PCSK5: variants seen among roughly 807,000 people sequenced by gnomAD.
The protein encoded by PCSK5 is prohormone convertase 5.
Under a neutral mutation model 233.2 loss-of-function variants are expected in PCSK5, and 129 were observed. The observed-to-expected ratio is 0.55, with a 90% CI of 0.48 to 0.64. The LOEUF is 0.64. Ranked by LOEUF, PCSK5 falls within the 30% of genes least tolerant of loss-of-function variation. The probability of loss-of-function intolerance (pLI) is 0.00; values close to 1 mark genes in which losing one functional copy is unlikely to be tolerated. For missense variants in PCSK5, 2,076 were observed against 2,430.1 expected (o/e 0.85, Z 3.06); for synonymous variants, 825 against 879.2 (o/e 0.94, Z 1.09).
In PCSK5 at chr9:76,067,845, A is replaced by G. The variant is rs1830339555; in HGVS notation, c.633-110A>G. The G allele has an allele frequency of 8.5e-6, 7 of 821,318 alleles. No individual in the cohort carries two copies. The South Asian group carries it at 9.7e-5, about 11-fold the overall frequency. The allele number at this position is 821,318 out of a possible 1,614,324, so 50.9% of individuals were successfully genotyped here. ...GTGCTACTTGGGAAGGAAGTTCCAG[A>G]AACACCACAGCTGGGTACATTCTTC... On this transcript the variant is annotated intron_variant, in intron 5 of 37. Coordinates refer to ENST00000674117, the MANE Select transcript of PCSK5 (RefSeq NM_001372043.1).
At chr9:76,268,616 G>A (rs1039650834) in intron 24 of PCSK5, among the ~76,000 whole-genome samples, 7 of 152,188 alleles carry the variant, frequency 4.6e-5, no homozygotes, top group Admixed American at 2.0e-4. Context: ...GGCTGAGGTG[G>A]ACAGATCGCT....
chr9:76,269,685 A>G (rs140842872), intron 24 of PCSK5, among the ~76,000 whole-genome samples: 2 of 152,350 alleles, frequency 1.3e-5, no homozygotes, highest in East Asian at 3.9e-4. Flanking sequence ...AGTAACCAAA[A>G]CATACCTAGT....
intron 2 of PCSK5, among the ~76,000 whole-genome samples, chr9:75,969,407 C>A (rs1825726334): frequency 6.6e-6 from 1 of 152,168 alleles, no homozygotes; most frequent in Admixed American, 6.5e-5. Flanking sequence ...GGCCTTACTG[C>A]TTAACTTCAA....
intron 1 of PCSK5, among the ~76,000 whole-genome samples, chr9:75,917,776 TCTA>T (rs2131248394): frequency 6.6e-6 from 1 of 152,370 alleles, no homozygotes; most frequent in East Asian, 1.9e-4. Context: ...ATAACATTTT[TCTA>T]CTAAGATATC....
At chr9:76,066,241 A>G (rs570305583) in intron 5 of PCSK5, among the ~76,000 whole-genome samples, 32 of 152,280 alleles carry the variant, frequency 2.1e-4, no homozygotes, top group African/African-American at 7.7e-4. Flanking sequence ...CATTTTAGCA[A>G]TACTAATTCT....
chr9:76,302,959 C>CTTT (rs10552673), intron 28 of PCSK5, among the ~76,000 whole-genome samples: 1,047 of 87,292 alleles, frequency 0.012, no homozygotes, highest in Non-Finnish European at 0.013. Context: ...CAAAGTGGTT[C>CTTT]TTTTTTTTTT....
intron 24 of PCSK5, among the ~76,000 whole-genome samples, chr9:76,280,676 C>T (rs1827835882): frequency 6.6e-6 from 1 of 151,984 alleles, no homozygotes; most frequent in Non-Finnish European, 1.5e-5. Flanking sequence ...TACCAGGCTG[C>T]AGTAAGCCAT....
At chr9:76,176,774 A>G (rs912526457) in intron 14 of PCSK5, among the ~76,000 whole-genome samples, 1 of 152,182 alleles carries the variant, frequency 6.6e-6, no homozygotes, top group Non-Finnish European at 1.5e-5. Flanking sequence ...TTTATTTTAT[A>G]TGGCCACTTT....
intron 9 of PCSK5, among the ~76,000 whole-genome samples, chr9:76,116,574 C>T (rs1832434398): frequency 6.7e-6 from 1 of 150,342 alleles, no homozygotes; most frequent in African/African-American, 2.5e-5. Flanking sequence ...CTGCATAGTG[C>T]AAAAAGATAA....
chr9:76,069,610 A>C (rs1423186086), intron 6 of PCSK5, among the ~76,000 whole-genome samples: 3 of 152,162 alleles, frequency 2.0e-5, no homozygotes, highest in African/African-American at 7.2e-5. Flanking sequence ...GACAAAGTAA[A>C]ATTCTTTTTT....
chr9:75,948,298 A>G (rs907704514), intron 2 of PCSK5, among the ~76,000 whole-genome samples: 16 of 147,462 alleles, frequency 1.1e-4, no homozygotes, highest in Non-Finnish European at 1.9e-4. Flanking sequence ...CCCTAATGCT[A>G]TCCCTCCCCT....
chr9:76,351,612 AAAAGAAAGAG>A (rs1175979634), intron 36 of PCSK5, among the ~76,000 whole-genome samples: 8 of 114,788 alleles, frequency 7.0e-5, no homozygotes, highest in Admixed American at 1.8e-4. Flanking sequence ...AGAAGAAAGA[AAAAGAAAGAG>A]AAAGAAAGAG....
At chr9:76,034,110 A>G (rs1402015126) in intron 5 of PCSK5, among the ~76,000 whole-genome samples, 2 of 152,168 alleles carry the variant, frequency 1.3e-5, no homozygotes, top group African/African-American at 4.8e-5. Context: ...CCTCCCACGG[A>G]AAATTGCGGT....
At chr9:76,251,058 A>T (rs1826783727) in intron 24 of PCSK5, among the ~76,000 whole-genome samples, 1 of 152,206 alleles carries the variant, frequency 6.6e-6, no homozygotes, top group South Asian at 2.1e-4. Context: ...GCTTCAGGCC[A>T]GGAGTTCGAG....
At chr9:76,232,947 C>G (rs1826140619) in intron 21 of PCSK5, among the ~76,000 whole-genome samples, 1 of 152,176 alleles carries the variant, frequency 6.6e-6, no homozygotes, top group Non-Finnish European at 1.5e-5. Context: ...TGATTACTTG[C>G]AATATACACA....
At chr9:75,890,147 A>T (rs1825507272), upstream of PCSK5, among the ~76,000 whole-genome samples, 1 of 152,254 alleles carries the variant, frequency 6.6e-6, no homozygotes, top group Non-Finnish European at 1.5e-5. Context: ...AGCCAATTCT[A>T]GGAGTCGATG....
chr9:76,108,048 C>A (rs189290026), intron 9 of PCSK5, among the ~76,000 whole-genome samples: 1 of 152,332 alleles, frequency 6.6e-6, no homozygotes, highest in East Asian at 1.9e-4. Flanking sequence ...CACTAGAATT[C>A]ATTTTTTGGC....
intron 3 of PCSK5, among the ~76,000 whole-genome samples, chr9:76,006,356 T>C (rs1233174147): frequency 6.6e-6 from 1 of 152,198 alleles, no homozygotes; most frequent in Non-Finnish European, 1.5e-5. Context: ...TATTGTGTTT[T>C]GTATGTGGCC....
intron 34 of PCSK5, among the ~76,000 whole-genome samples, chr9:76,334,448 C>A (rs1177332775): frequency 6.6e-6 from 1 of 152,210 alleles, no homozygotes; most frequent in Non-Finnish European, 1.5e-5. Flanking sequence ...AAAACACCAG[C>A]CAGGCTGGGC....
Sources: gnomAD v4.1 joint callset for allele counts (sites outside exome capture counted in the v4.1 genomes callset) on GRCh38, gnomAD v4.1.1 for gene constraint, MANE v1.5 for transcripts, NCBI Gene and HGNC (gene_info 2026-07-23, HGNC 2026-07-21) for gene names.